Variants in THSD4 observed in about 807,000 individuals in gnomAD.
THSD4 encodes thrombospondin type 1 domain containing 4, also known as thrombospondin type-1 domain-containing protein 4.
A neutral mutation model predicts 119.0 loss-of-function variants in THSD4; 69 were observed. The ratio of observed to expected loss-of-function variants is 0.58; its 90% confidence interval spans 0.48 to 0.71. THSD4 has a LOEUF of 0.71. Ranked by LOEUF, THSD4 falls within the 30% of genes least tolerant of loss-of-function variation. The pLI is 0.00. For synonymous variants in THSD4, 524 were observed against 540.4 expected, an observed-to-expected ratio of 0.97 and a Z score of 0.42; for missense variants, 1,393 against 1,391.1, an observed-to-expected ratio of 1.00 and a Z score of -0.02.
intron 6 of THSD4, among the ~76,000 whole-genome samples, chr15:71,277,064 G>T: frequency 6.6e-6 from 1 of 150,642 alleles, no homozygotes; most frequent in South Asian, 2.1e-4. Flanking sequence ...ATCTGAGGCC[G>T]TATCCACTGC....
chr15:71,715,831 T>C (rs1413499754), intron 8 of THSD4, among the ~76,000 whole-genome samples: 1 of 151,926 alleles, frequency 6.6e-6, no homozygotes, highest in African/African-American at 2.4e-5. Flanking sequence ...GCTTCAAATA[T>C]TGGTGTTTTA....
intron 15 of THSD4, among the ~76,000 whole-genome samples, chr15:71,762,461 A>G (rs894367438): frequency 1.3e-5 from 2 of 152,316 alleles, no homozygotes; most frequent in South Asian, 4.1e-4. Flanking sequence ...CTCTTTTCAG[A>G]TAAGACCACA....
intron 7 of THSD4, among the ~76,000 whole-genome samples, chr15:71,640,339 C>A (rs893790488): frequency 9.2e-5 from 14 of 152,044 alleles, no homozygotes; most frequent in African/African-American, 3.1e-4. Context: ...CCTCAGCCTC[C>A]CAAAGTGCTG....
intron 7 of THSD4, among the ~76,000 whole-genome samples, chr15:71,578,085 A>T (rs2049488292): frequency 6.6e-6 from 1 of 151,442 alleles, no homozygotes; most frequent in African/African-American, 2.4e-5. Context: ...TTCTCACTGG[A>T]TTTTATACCC....
At chr15:71,160,468 CT>C (rs1441114647) in intron 3 of THSD4, among the ~76,000 whole-genome samples, 2 of 151,984 alleles carry the variant, frequency 1.3e-5, no homozygotes, top group Admixed American at 1.3e-4. Context: ...TGATTAAAGA[CT>C]TTTTGTTACT....
At chr15:71,733,043 A>C (rs983319002) in intron 10 of THSD4, 3 of 152,250 alleles carry the variant, frequency 2.0e-5, no homozygotes, top group Non-Finnish European at 1.5e-5. Flanking sequence ...TGAGAAACCA[A>C]GTTTGGGTAA....
At chr15:71,541,228 A>G (rs536905699) in intron 7 of THSD4, among the ~76,000 whole-genome samples, 1 of 152,346 alleles carries the variant, frequency 6.6e-6, no homozygotes, top group African/African-American at 2.4e-5. Flanking sequence ...ACATCAACCC[A>G]ACATAAAAAT....
intron 12 of THSD4, among the ~76,000 whole-genome samples, chr15:71,746,502 C>A (rs1214250804): frequency 6.6e-6 from 1 of 152,168 alleles, no homozygotes; most frequent in African/African-American, 2.4e-5. Flanking sequence ...TCAAGCCATC[C>A]CCTGACCTCA....
At chr15:71,313,806 T>A (rs1441085736) in intron 6 of THSD4, among the ~76,000 whole-genome samples, 1 of 152,220 alleles carries the variant, frequency 6.6e-6, no homozygotes, top group Non-Finnish European at 1.5e-5. Context: ...TTGTACCGAC[T>A]GGGGGCTCTC....
chr15:71,638,867 C>T lies in THSD4; in HGVS notation c.1153-21663C>T, dbSNP rs150725978. On this transcript the variant is annotated intron_variant, in intron 7 of 17. Transcript: ENST00000261862. ...TTAATACAATGGTTTTTCTCTCATA[C>T]TTGTTCATAAAGAGTCAGCAAGGAC... is the stretch of plus-strand genomic sequence containing the variant. Among the ~76,000 whole-genome samples the T allele has an allele frequency of 3.2e-4, 48 of 152,292 alleles. 1 individual carries two copies. The East Asian group carries it at 7.7e-3, about 25-fold the overall frequency.
intron 9 of THSD4, chr15:71,730,842 C>T (rs1460601243): frequency 7.3e-6 from 3 of 411,266 alleles, no homozygotes; most frequent in East Asian, 4.6e-5. Context: ...GTTCTGCTAC[C>T]GTTGCTCCAT....
intron 8 of THSD4, among the ~76,000 whole-genome samples, chr15:71,723,389 C>A (rs779514769): frequency 3.3e-5 from 5 of 152,142 alleles, no homozygotes; most frequent in Non-Finnish European, 7.4e-5. Context: ...ATTTTCATTT[C>A]TTGAATTATA....
intron 6 of THSD4, among the ~76,000 whole-genome samples, chr15:71,266,398 G>A (rs996404907): frequency 3.2e-4 from 49 of 152,140 alleles, no homozygotes; most frequent in African/African-American, 1.1e-3. Context: ...CCAACAAACA[G>A]AAAGGAATAG....
chr15:71,703,562 GGGTCTTACATCGCACTGGGGACA>G (rs1428571169), intron 8 of THSD4, among the ~76,000 whole-genome samples: 4 of 152,164 alleles, frequency 2.6e-5, no homozygotes, highest in Admixed American at 6.5e-5. Context: ...AGAGGGGACA[GGGTCTTACATCGCACTGGGGACA>G]GGTCTTACAT....
At chr15:71,247,250 T>C (rs569567646) in intron 5 of THSD4, among the ~76,000 whole-genome samples, 4 of 151,930 alleles carry the variant, frequency 2.6e-5, no homozygotes, top group Non-Finnish European at 5.9e-5. Flanking sequence ...TGAGACAGAG[T>C]CTCGCTCTGT....
intron 7 of THSD4, among the ~76,000 whole-genome samples, chr15:71,623,373 A>T (rs748220731): frequency 6.6e-6 from 1 of 152,220 alleles, no homozygotes; most frequent in Non-Finnish European, 1.5e-5. Flanking sequence ...TGAAAGAAGT[A>T]CTTTAATCCC....
At chr15:71,723,362 A>G (rs1449525454) in intron 8 of THSD4, among the ~76,000 whole-genome samples, 2 of 152,216 alleles carry the variant, frequency 1.3e-5, no homozygotes, top group African/African-American at 4.8e-5. Flanking sequence ...GGTCAGGATG[A>G]TCCCATTGTG....
chr15:71,127,200 A>G (rs1292189157), intron 1 of THSD4, among the ~76,000 whole-genome samples: 17 of 152,170 alleles, frequency 1.1e-4, no homozygotes, highest in Non-Finnish European at 7.3e-5. Flanking sequence ...TGCCTGGCTT[A>G]TTTCATTTAG....
At chr15:71,098,704 C>T (rs909220940) in intron 1 of THSD4, among the ~76,000 whole-genome samples, 2 of 152,096 alleles carry the variant, frequency 1.3e-5, no homozygotes, top group South Asian at 2.1e-4. Context: ...CTGGGAGACA[C>T]CTGGACTGAT....
Sources: gnomAD v4.1 joint callset for allele counts (sites outside exome capture counted in the v4.1 genomes callset) on GRCh38, gnomAD v4.1.1 for gene constraint, MANE v1.5 for transcripts, NCBI Gene and HGNC (gene_info 2026-07-23, HGNC 2026-07-21) for gene names.